STOM: variants seen among roughly 807,000 people sequenced by gnomAD.
The protein encoded by STOM is stomatin.
Under a neutral mutation model 30.6 loss-of-function variants are expected in STOM, and 25 were observed. The ratio of observed to expected loss-of-function variants is 0.82; its 90% CI spans 0.60 to 1.14. The LOEUF (loss-of-function observed/expected upper bound fraction) is 1.14, where lower values mean the gene tolerates loss of function less well. Among genes scored for constraint, STOM ranks in the 50% most tolerant of loss-of-function variants. The pLI, the probability that STOM is intolerant of heterozygous loss-of-function variation, is 0.00. For synonymous variants in STOM, 118 were observed against 130.8 expected, an observed-to-expected ratio of 0.90 and a Z score of 0.67; for missense variants, 292 against 365.2, an observed-to-expected ratio of 0.80 and a Z score of 1.63.
At chr9:121,359,068 G>A (rs1424938553) in intron 1 of STOM, among the ~76,000 whole-genome samples, 1 of 152,146 alleles carries the variant, frequency 6.6e-6, no homozygotes, top group Non-Finnish European at 1.5e-5. Context: ...GGATATAGTA[G>A]GTTTTCTTAT....
intron 6 of STOM, 136 bp downstream of exon 6, chr9:121,347,879 G>C: frequency 1.9e-6 from 2 of 1,080,398 alleles, no homozygotes; most frequent in Non-Finnish European, 2.6e-6. Context: ...TTGAAGTTAC[G>C]GGGAGGGTTT....
chr9:121,362,347 G>A (rs1206190163), intron 1 of STOM, among the ~76,000 whole-genome samples: 1 of 151,870 alleles, frequency 6.6e-6, no homozygotes, highest in African/African-American at 2.4e-5. Context: ...ATGAAAGAAT[G>A]GTATACACAG....
chr9:121,365,477 GT>G (rs60755333), intron 1 of STOM, among the ~76,000 whole-genome samples: 48,760 of 144,766 alleles, frequency 0.34, 9,998 homozygotes, highest in East Asian at 0.58. Context: ...CACTTTTTAG[GT>G]TTTTTTTTTT....
intron 1 of STOM, chr9:121,369,804 G>A (rs1005325782): frequency 6.0e-6 from 2 of 332,476 alleles, no homozygotes; most frequent in Admixed American, 4.6e-5. Context: ...CTGGCTGCCA[G>A]TTCCCTCTGC....
chr9:121,351,895 T>C (rs1356570771), intron 4 of STOM, among the ~76,000 whole-genome samples: 1 of 152,212 alleles, frequency 6.6e-6, no homozygotes, highest in African/African-American at 2.4e-5. Context: ...AACAAGCAGT[T>C]TCTAATTCTT....
chr9:121,343,976 A>G (rs977333569), intron 6 of STOM, among the ~76,000 whole-genome samples: 1 of 152,028 alleles, frequency 6.6e-6, no homozygotes, highest in African/African-American at 2.4e-5. Context: ...TTGGGGAGCT[A>G]TTCTCCCTCC....
At chr9:121,358,489 C>T (rs2064419315) in intron 1 of STOM, among the ~76,000 whole-genome samples, 1 of 150,952 alleles carries the variant, frequency 6.6e-6, no homozygotes, top group African/African-American at 2.5e-5. Flanking sequence ...GAAGGAAATG[C>T]TTGTTTTGTT....
chr9:121,340,705 A>C lies in STOM; in HGVS notation c.*497T>G. 1.0e-6 allele frequency: 1 copy of C among 963,862 alleles called. No homozygotes were observed. Among genetic ancestry groups the C allele is most frequent in the Non-Finnish European group, 1.2e-6 (1 of 809,482 alleles). 59.7% of individuals were successfully genotyped at this position (963,862 alleles called of 1,614,324 possible). A position where few individuals can be genotyped will look rare whatever the true frequency, so the allele number is the denominator to read the frequency against. ...GCGGAGGTTGCAGTGAGCCGAGATC[A>C]TGCTATTGCACTCCAGCCTGGGCAA... On this transcript the variant is annotated 3_prime_UTR_variant, in exon 7 of 7. Coordinates refer to ENST00000286713, the MANE Select transcript of STOM (RefSeq NM_004099.6).
intron 1 of STOM, among the ~76,000 whole-genome samples, chr9:121,356,967 AG>A (rs1206058108): frequency 6.6e-6 from 1 of 152,156 alleles, no homozygotes; most frequent in African/African-American, 2.4e-5. Context: ...TGGGCAACAG[AG>A]GAAGAATCTG....
In STOM at chr9:121,344,288, C is replaced by T. The variant is rs3789312; in HGVS notation, c.661-2880G>A. Among the ~76,000 whole-genome samples, 51 of 152,250 alleles carry T rather than the reference C, an allele frequency of 3.3e-4. 2 individuals are homozygous for T. The East Asian group carries it at 9.3e-3, about 28-fold the overall frequency. ...CACTACAGAGAATACATCAGAAATC[C>T]CCTGCTATGAGAGCAGCAGGCTCTC... On this transcript the variant is annotated intron_variant, in intron 6 of 6. Transcript: ENST00000286713.
chr9:121,356,015 G>A, intron 2 of STOM, 38 bp downstream of exon 2: 1 of 1,566,400 alleles, frequency 6.4e-7, no homozygotes, highest in Non-Finnish European at 8.8e-7. Context: ...GGAGGTAGGA[G>A]TTGACCCCTT....
At position 121,368,869 on chromosome 9, in the gene STOM, G is replaced by GGCGGAGGTTGCAGTGA. The variant is rs1460781911; in HGVS notation, c.61+1242_61+1257dup. Among the ~76,000 whole-genome samples the GGCGGAGGTTGCAGTGA allele has an allele frequency of 2.6e-5, 4 of 151,908 alleles. No homozygotes were observed. The East Asian group carries it at 7.8e-4, about 29-fold the overall frequency. ...GCAGGAGAATCACTTGAACTCGGGA[G>GGCGGAGGTTGCAGTGA]GCGGAGGTTGCAGTGAGCGGAGATC... is the stretch of plus-strand genomic sequence containing the variant. On this transcript the variant is annotated intron_variant, in intron 1 of 6. Coordinates refer to ENST00000286713, the MANE Select transcript of STOM (RefSeq NM_004099.6).
intron 1 of STOM, among the ~76,000 whole-genome samples, chr9:121,363,331 A>G (rs1037655112): frequency 1.2e-4 from 19 of 152,110 alleles, no homozygotes; most frequent in African/African-American, 4.1e-4. Context: ...CAGTAGGCCA[A>G]ATTGAAAAGT....
chr9:121,356,589 G>A (rs976327771), intron 1 of STOM, among the ~76,000 whole-genome samples: 7 of 152,192 alleles, frequency 4.6e-5, no homozygotes, highest in East Asian at 1.9e-4. Flanking sequence ...GTTAACTCAC[G>A]CAGTTAGGAT....
At position 121,355,903 on chromosome 9, in the gene STOM, G is replaced by C. The variant is rs1335714142; in HGVS notation, c.165+150C>G. 39 of 564,070 alleles carry C rather than the reference G, an allele frequency of 6.9e-5. No individual in the cohort carries two copies. The East Asian group carries it at 1.2e-3, about 18-fold the overall frequency. The allele number at this position is 564,070 out of a possible 1,614,324, so 34.9% of individuals were successfully genotyped here. ...GTTCCATTTTAATAGGTGGGTAGAA[G>C]AATAAATTTTCCAAAGAAAGATGAA... On this transcript the variant is annotated intron_variant, in intron 2 of 6. Coordinates refer to ENST00000286713, the MANE Select transcript of STOM (RefSeq NM_004099.6).
At chr9:121,344,577 T>C (rs1326513332) in intron 6 of STOM, among the ~76,000 whole-genome samples, 2 of 152,194 alleles carry the variant, frequency 1.3e-5, no homozygotes, top group African/African-American at 4.8e-5. Context: ...AAGCAAGCTA[T>C]TTGTGGGTGT....
chr9:121,356,683 C>T lies in STOM; in HGVS notation c.62-527G>A, dbSNP rs115350550. 3.4e-3 allele frequency among the ~76,000 whole-genome samples: 521 copies of T among 152,068 alleles called. 6 individuals carry two copies. Among genetic ancestry groups the T allele is most frequent in the African/African-American group, 0.012 (502 of 41,492 alleles). ...GAAGGATGTAATAGTAAGAAAATAT[C>T]GACGAAAAGAAAGTGGAGGCTGGGC... On this transcript the variant is annotated intron_variant, in intron 1 of 6. Transcript: ENST00000286713.
In STOM at chr9:121,339,841, C is replaced by A. The variant is rs924546772; in HGVS notation, c.*1361G>T. On this transcript the variant is annotated 3_prime_UTR_variant, in exon 7 of 7. Transcript: ENST00000286713. ...TAGGTAAATTTAAAAAGACCTACAT[C>A]TATATAGATATTGTAAGTTTGACAG... The A allele has an allele frequency of 2.2e-4, 255 of 1,184,126 alleles. No homozygotes were observed. The highest frequency in any genetic ancestry group is 2.6e-4 in the Non-Finnish European group (246 of 958,578). The allele number at this position is 1,184,126 out of a possible 1,614,324, so 73.4% of individuals were successfully genotyped here. A position where few individuals can be genotyped will look rare whatever the true frequency, so the allele number is the denominator to read the frequency against.
intron 4 of STOM, among the ~76,000 whole-genome samples, chr9:121,350,117 T>G (rs1260771538): frequency 6.6e-6 from 1 of 152,208 alleles, no homozygotes; most frequent in Non-Finnish European, 1.5e-5. Context: ...CTTTACTGAA[T>G]AAAACACTGA....
Sources: allele counts gnomAD v4.1 joint callset (sites outside exome capture counted in the v4.1 genomes callset), GRCh38; gene constraint gnomAD v4.1.1; transcripts MANE v1.5; gene names NCBI Gene and HGNC (gene_info 2026-07-23, HGNC 2026-07-21).